The following VIT variants were observed in gnomAD, a reference collection of about 807,000 sequenced individuals.
The protein encoded by VIT is vitrin.
VIT carries 99 observed loss-of-function variants against 78.0 expected under a neutral mutation model. The observed-to-expected ratio is 1.27, with a 90% CI of 1.08 to 1.50. The LOEUF (loss-of-function observed/expected upper bound fraction) is 1.50. Among genes scored for constraint, VIT ranks in the 40% most tolerant of loss-of-function variants. The probability of loss-of-function intolerance (pLI) is 0.00; values close to 1 mark genes in which losing one functional copy is unlikely to be tolerated. For synonymous variants in VIT, 374 were observed against 334.3 expected (o/e 1.12, Z -1.29); for missense variants, 1,126 against 875.3 (o/e 1.29, Z -3.61).
intron 6 of VIT, among the ~76,000 whole-genome samples, chr2:36,766,362 C>T: frequency 8.6e-6 from 1 of 115,930 alleles, no homozygotes; most frequent in East Asian, 3.2e-4. Context: ...GATGCTTTCT[C>T]TACAAAAAAA....
chr2:36,804,269 A>G (rs1666542296), intron 13 of VIT, among the ~76,000 whole-genome samples: 1 of 152,236 alleles, frequency 6.6e-6, no homozygotes, highest in African/African-American at 2.4e-5. Context: ...GGGCTAGAAC[A>G]CAGTCTGTCA....
At chr2:36,777,921 T>G (rs1452440553) in intron 9 of VIT, among the ~76,000 whole-genome samples, 4 of 152,156 alleles carry the variant, frequency 2.6e-5, no homozygotes, top group African/African-American at 9.7e-5. Context: ...AACACCTCCT[T>G]TGTGTTTAGA....
At chr2:36,789,038 A>T (rs1665301593) in intron 12 of VIT, among the ~76,000 whole-genome samples, 1 of 152,184 alleles carries the variant, frequency 6.6e-6, no homozygotes, top group Admixed American at 6.5e-5. Flanking sequence ...ACTATCTAAA[A>T]AATCCCTTGT....
intron 4 of VIT, among the ~76,000 whole-genome samples, chr2:36,750,191 C>T (rs60737987): frequency 7.8e-4 from 119 of 152,328 alleles, no homozygotes; most frequent in African/African-American, 2.7e-3. Context: ...TTTGCTTTCA[C>T]CCTGAAATCA....
chr2:36,767,336 G>A, intron 7 of VIT, 51 bp downstream of exon 7: 2 of 1,432,768 alleles, frequency 1.4e-6, no homozygotes, highest in Non-Finnish European at 1.8e-6. Context: ...GGGAAATTGG[G>A]CTTTTAGAGT....
At chr2:36,791,827 G>C (rs1387310134) in intron 12 of VIT, among the ~76,000 whole-genome samples, 1 of 152,170 alleles carries the variant, frequency 6.6e-6, no homozygotes, top group East Asian at 1.9e-4. Context: ...TCTCAACTAA[G>C]TTTGTGTTGT....
intron 13 of VIT, among the ~76,000 whole-genome samples, chr2:36,801,912 G>A (rs962804800): frequency 3.3e-5 from 5 of 152,120 alleles, no homozygotes; most frequent in African/African-American, 4.8e-5. Context: ...TGCAAGAAGG[G>A]GTAGCATTCT....
intron 14 of VIT, among the ~76,000 whole-genome samples, chr2:36,806,875 C>G (rs982364765): frequency 2.0e-5 from 3 of 152,104 alleles, no homozygotes; most frequent in Non-Finnish European, 2.9e-5. Flanking sequence ...ACCTTCATCT[C>G]TTGAGCTCTG....
chr2:36,800,307 T>C (rs1010055766), intron 12 of VIT, among the ~76,000 whole-genome samples: 2 of 152,098 alleles, frequency 1.3e-5, no homozygotes, highest in Admixed American at 1.3e-4. Context: ...ATCGCGCCAC[T>C]GCACTCCAGC....
rs757393938 is a variant in VIT, at chr2:36,787,234, A to T, written c.1016A>T (p.Asp339Val). 2 of 1,614,016 alleles carry T rather than the reference A, an allele frequency of 1.2e-6. No individual in the cohort carries two copies. The highest frequency in any genetic ancestry group is 1.7e-6 in the Non-Finnish European group (2 of 1,180,002). The change falls in exon 12 of 16, where the codon GAC becomes GTC. Residue 339 changes from aspartate (D) to valine (V), a missense_variant. Asp to Val is a radical substitution (Grantham distance 152). Transcript: ENST00000379242. ...QLLADVAQAL[D>V]IGPAGPLMGV... ...CTGGCTGATGTTGCCCAAGCTCTTG[A>T]CATTGGCCCTGCCGGTCCACTGATG...
At chr2:36,806,348 T>C (rs777763987) in intron 14 of VIT, among the ~76,000 whole-genome samples, 31 of 152,236 alleles carry the variant, frequency 2.0e-4, no homozygotes, top group Non-Finnish European at 3.7e-4. Flanking sequence ...CTCAACCTCC[T>C]GCACCACCTC....
chr2:36,771,468 G>A (rs1337328760), intron 7 of VIT, among the ~76,000 whole-genome samples: 2 of 151,136 alleles, frequency 1.3e-5, no homozygotes, highest in East Asian at 1.9e-4. Context: ...AGGAGTTGCA[G>A]TGAGCCGAGG....
At chr2:36,786,009 T>A (rs572508987) in intron 11 of VIT, among the ~76,000 whole-genome samples, 1 of 152,160 alleles carries the variant, frequency 6.6e-6, no homozygotes, top group African/African-American at 2.4e-5. Flanking sequence ...ATGGGAAGAC[T>A]CCAGCTCTGT....
At chr2:36,753,229 G>A (rs370998085) in intron 4 of VIT, among the ~76,000 whole-genome samples, 1 of 151,946 alleles carries the variant, frequency 6.6e-6, no homozygotes, top group Non-Finnish European at 1.5e-5. Context: ...GGGGGAGGGA[G>A]AGCATCAGGA....
intron 3 of VIT, among the ~76,000 whole-genome samples, chr2:36,732,056 G>A (rs1166698110): frequency 1.3e-5 from 2 of 152,212 alleles, no homozygotes; most frequent in East Asian, 3.8e-4. Flanking sequence ...TCAGGACCAA[G>A]AGCCAAGAGG....
intron 2 of VIT, 129 bp downstream of exon 2, chr2:36,716,551 C>T: frequency 1.3e-6 from 1 of 743,606 alleles, no homozygotes; most frequent in Non-Finnish European, 2.2e-6. Flanking sequence ...TTATAAGAAA[C>T]ATTTTGAAGA....
At chr2:36,794,324 T>A (rs1183612692) in intron 12 of VIT, among the ~76,000 whole-genome samples, 10 of 87,996 alleles carry the variant, frequency 1.1e-4, no homozygotes, top group African/African-American at 3.5e-4. Context: ...TCTTTGATAT[T>A]CCCTAGAAAA....
At chr2:36,727,588 C>G (rs117519674) in intron 2 of VIT, among the ~76,000 whole-genome samples, 1 of 152,300 alleles carries the variant, frequency 6.6e-6, no homozygotes, top group East Asian at 1.9e-4. Context: ...GACAAGTATC[C>G]AAGAGGTGCC....
At chr2:36,759,148 C>G (rs770713735) in intron 6 of VIT, 102 bp downstream of exon 6, 1 of 1,608,014 alleles carries the variant, frequency 6.2e-7, no homozygotes, top group African/African-American at 1.3e-5. Context: ...CGGTCAAGCT[C>G]CACTGGCTCT....
Sources: gnomAD v4.1 joint callset for allele counts (sites outside exome capture counted in the v4.1 genomes callset) on GRCh38, gnomAD v4.1.1 for gene constraint, MANE v1.5 for transcripts, NCBI Gene and HGNC (gene_info 2026-07-23, HGNC 2026-07-21) for gene names.